STOML1: variants seen among roughly 807,000 people sequenced by gnomAD.
The protein encoded by STOML1 is stomatin-like protein 1.
A neutral mutation model predicts 35.7 loss-of-function variants in STOML1; 27 were observed. The observed-to-expected ratio is 0.76, with a 90% CI of 0.56 to 1.04. The LOEUF is 1.04. Ranked by LOEUF, STOML1 falls within the 50% of genes least tolerant of loss-of-function variation. STOML1 has a pLI of 0.00. For missense variants in STOML1, 451 were observed against 527.1 expected (o/e 0.86, Z 1.41); for synonymous variants, 219 against 227.9 (o/e 0.96, Z 0.35).
Position 73,980,697 on chromosome 15 carries a change from G to A in STOML1, c.*3240C>T, listed in dbSNP as rs2141656607. 6.6e-6 allele frequency: 1 copy of A among 152,288 alleles called. No homozygotes were observed. The highest frequency in any genetic ancestry group is 1.9e-4 in the East Asian group (1 of 5,188). The allele number at this position is 152,288 out of a possible 1,614,324, so 9.4% of individuals were successfully genotyped here. On this transcript the variant is annotated 3_prime_UTR_variant, in exon 7 of 7. Transcript: ENST00000541638. ...AAGGCATGGGAAATATGTGTGGAGG[G>A]AGAATTTTCATAATATGCTTTCCTA... is the stretch of plus-strand genomic sequence containing the variant.
At chr15:73,984,915 T>A (rs1222434484) in intron 5 of STOML1, 44 bp from the exon 6 acceptor site, 1 of 1,607,120 alleles carries the variant, frequency 6.2e-7, no homozygotes, top group South Asian at 1.1e-5. Context: ...AGAGAGGAGG[T>A]CATCGTGTTG....
chr15:73,990,304 T>A, intron 2 of STOML1, 47 bp downstream of exon 2: 1 of 1,556,830 alleles, frequency 6.4e-7, no homozygotes, highest in Middle Eastern at 1.7e-4. Flanking sequence ...ATGCCAAAGC[T>A]CTCAGTGTGG....
chr15:73,981,992 G>A lies in STOML1; in HGVS notation c.*1945C>T, dbSNP rs1291155009. The A allele has an allele frequency of 6.6e-6, 1 of 152,254 alleles. No individual in the cohort carries two copies. The highest frequency in any genetic ancestry group is 1.5e-5 in the Non-Finnish European group (1 of 68,074). The allele number at this position is 152,254 out of a possible 1,614,324, so 9.4% of individuals were successfully genotyped here. ...CCCATGCTCACAAAGAAGAGTTTGGGTTTCCCCTAAGTTGTGATCTCATTT... is the reference window on the plus strand; with the variant it reads ...CCCATGCTCACAAAGAAGAGTTTGGATTTCCCCTAAGTTGTGATCTCATTT... On this transcript the variant is annotated 3_prime_UTR_variant, in exon 7 of 7. Coordinates refer to ENST00000541638, the MANE Select transcript of STOML1 (RefSeq NM_004809.5).
At chr15:73,992,063 G>A (rs758874475) in intron 1 of STOML1, 28 bp downstream of exon 1, 2 of 1,546,066 alleles carry the variant, frequency 1.3e-6, no homozygotes, top group East Asian at 2.5e-5. Context: ...GGTCCCCCCC[G>A]GCTCCGCCGT....
intron 6 of STOML1, 145 bp downstream of exon 6, chr15:73,984,514 A>G: frequency 1.0e-6 from 1 of 953,074 alleles, no homozygotes; most frequent in Non-Finnish European, 1.6e-6. Flanking sequence ...TAATGCCTGG[A>G]AATGGTGTCT....
chr15:73,994,600 T>C (rs992753188), upstream of STOML1: 1 of 617,356 alleles, frequency 1.6e-6, no homozygotes, highest in Non-Finnish European at 3.0e-6. Flanking sequence ...TCCTCCCCGC[T>C]CTGGGCGTGT....
chr15:73,984,900 G>A (rs974999068), intron 5 of STOML1, 29 bp from the exon 6 acceptor site: 6 of 1,612,110 alleles, frequency 3.7e-6, no homozygotes, highest in Non-Finnish European at 4.2e-6. Context: ...GTTGGGGAAG[G>A]AGGCAGAGAG....
rs373042143 is a variant in STOML1 at position 73,992,268 on chromosome 15, C to G, written c.-45G>C. 2 of 1,564,676 alleles carry G rather than the reference C, an allele frequency of 1.3e-6. No homozygotes were observed. The highest frequency in any genetic ancestry group is 2.9e-5 in the African/African-American group (2 of 70,146). On this transcript the variant is annotated 5_prime_UTR_variant, in exon 1 of 7. Coordinates refer to ENST00000541638, the MANE Select transcript of STOML1 (RefSeq NM_004809.5). ...GCCCCGCGCCTCCGCGCGGCGCCCT[C>G]CCTGGCCAGTGGGCCCTACGCGGCC...
rs2141656068 is a variant in STOML1 at position 73,980,057 on chromosome 15, C to T, written c.*3880G>A. 6.7e-6 allele frequency: 1 copy of T among 150,188 alleles called. No individual in the cohort carries two copies. The highest frequency in any genetic ancestry group is 2.4e-5 in the African/African-American group (1 of 40,888). The allele number at this position is 150,188 out of a possible 1,614,324, so 9.3% of individuals were successfully genotyped here. A position where few individuals can be genotyped will look rare whatever the true frequency, so the allele number is the denominator to read the frequency against. On this transcript the variant is annotated 3_prime_UTR_variant, in exon 7 of 7. Coordinates refer to ENST00000541638, the MANE Select transcript of STOML1 (RefSeq NM_004809.5). ...TGTCTCAAAACAAACAAACAAAAAA[C>T]AAAAAAATAACTTGAACAATAAACA...
chr15:73,983,978 T>C lies in STOML1; in HGVS notation c.1156A>G (p.Met386Val), dbSNP rs777393936. Residue 386 changes from methionine to valine, a missense_variant, in exon 7 of 7, where the codon ATG (methionine) becomes GTG (valine). Met to Val is a conservative substitution (Grantham distance 21, BLOSUM62 1). Transcript: ENST00000541638. ...AGGACAGCCTCCAGCTTCATGGCCA[T>C]AGCCAGGTCGCCCTTCACCTTCAGC... Reference protein sequence around the residue: ...GRLKVKGDLAMAMKLEAVLRA... With the variant: ...GRLKVKGDLAVAMKLEAVLRA... The C allele has an allele frequency of 3.7e-6, 6 of 1,613,968 alleles. No homozygotes were observed. Among genetic ancestry groups the C allele is most frequent in the Admixed American group, 3.3e-5 (2 of 60,032 alleles).
chr15:73,985,475 C>T lies in STOML1; in HGVS notation c.633G>A (p.Glu211=). The change falls in exon 5 of 7, where the codon GAG becomes GAA. Residue 211 remains glutamate (E), a synonymous_variant. Transcript: ENST00000541638. ...CCACTGCCAGCTCCACGCGGTCTACCTCCAGCCCCCAGGCCCTGGTCACAT... is the reference window on the plus strand; with the variant it reads ...CCACTGCCAGCTCCACGCGGTCTACTTCCAGCCCCCAGGCCCTGGTCACAT... ...INDVTRAWGL[E]VDRVELAVEA... is the part of the protein sequence containing the mutation. 1.3e-6 allele frequency: 2 copies of T among 1,541,694 alleles called. No homozygotes were observed. Among genetic ancestry groups the T allele is most frequent in the Non-Finnish European group, 1.7e-6 (2 of 1,146,386 alleles).
intron 1 of STOML1, among the ~76,000 whole-genome samples, chr15:73,991,405 A>G (rs1404387914): frequency 6.6e-6 from 1 of 152,254 alleles, no homozygotes; most frequent in Non-Finnish European, 1.5e-5. Flanking sequence ...GCTAAGCCCC[A>G]GAGCACTGAG....
At chr15:73,989,981 G>C in intron 2 of STOML1, 1 of 207,214 alleles carries the variant, frequency 4.8e-6, no homozygotes, top group Non-Finnish European at 9.9e-6. Flanking sequence ...TGGAAAATGA[G>C]GCCTGAATTC....
chr15:73,984,527 G>A, intron 6 of STOML1, 132 bp downstream of exon 6: 1 of 1,047,328 alleles, frequency 9.5e-7, no homozygotes. Flanking sequence ...TGGTGTCTGA[G>A]CCCCTGCCTG....
intron 5 of STOML1, 104 bp downstream of exon 5, chr15:73,985,214 T>C (rs2069051923): frequency 3.0e-6 from 4 of 1,326,542 alleles, no homozygotes; most frequent in Non-Finnish European, 4.0e-6. Flanking sequence ...GGGCTGAACA[T>C]CTGTGCAGGG....
In STOML1 at chr15:73,984,253, T is replaced by C. The variant is rs987273296; in HGVS notation, c.1004-123A>G. The C allele has an allele frequency of 5.7e-6, 6 of 1,061,392 alleles. No homozygotes were observed. The African/African-American group carries it at 8.0e-5, about 14-fold the overall frequency. The allele number at this position is 1,061,392 out of a possible 1,614,324, so 65.7% of individuals were successfully genotyped here. On this transcript the variant is annotated intron_variant, in intron 6 of 6. Coordinates refer to ENST00000541638, the MANE Select transcript of STOML1 (RefSeq NM_004809.5). ...GAGTACTGGTTAAGAGTTTGGGTTC[T>C]AATACCCTGGGTTTGAGTCTTATTG...
rs148196033 is a variant in STOML1 at position 73,984,085 on chromosome 15, A to G, written c.1049T>C (p.Val350Ala). The G allele has an allele frequency of 3.5e-5, 57 of 1,613,840 alleles. 1 individual carries two copies. In the African/African-American group the frequency reaches 4.8e-4, roughly 14 times the overall value. Residue 350 changes from valine to alanine, a missense_variant, in exon 7 of 7, where the codon GTG becomes GCG. Transcript: ENST00000541638. The stretch of plus-strand genomic sequence containing the variant: ...GTCTGCCTCGGCCATCTCCACCACC[A>G]CATCAGGGATGCCATCAGGCACCCC... The part of the protein sequence containing the change: ...GHGVPDGIPD[V>A]VVEMAEADLR...
intron 2 of STOML1, chr15:73,990,005 C>A: frequency 4.4e-6 from 1 of 227,096 alleles, no homozygotes; most frequent in South Asian, 6.1e-5. Context: ...TTATGCACTA[C>A]CAGCTGGGCT....
At position 73,980,696 on chromosome 15, in the gene STOML1, G is replaced by C. The variant is rs1448112534; in HGVS notation, c.*3241C>G. On this transcript the variant is annotated 3_prime_UTR_variant, in exon 7 of 7. Coordinates refer to ENST00000541638, the MANE Select transcript of STOML1 (RefSeq NM_004809.5). Reference sequence around the variant, plus strand: ...GAAGGCATGGGAAATATGTGTGGAGGGAGAATTTTCATAATATGCTTTCCT... The same window carrying C: ...GAAGGCATGGGAAATATGTGTGGAGCGAGAATTTTCATAATATGCTTTCCT... 6.6e-6 allele frequency: 1 copy of C among 152,108 alleles called. No individual in the cohort carries two copies. The highest frequency in any genetic ancestry group is 2.4e-5 in the African/African-American group (1 of 41,414). 9.4% of individuals were successfully genotyped at this position (152,108 alleles called of 1,614,324 possible).
Sources: gnomAD v4.1 joint callset for allele counts (sites outside exome capture counted in the v4.1 genomes callset) on GRCh38, gnomAD v4.1.1 for gene constraint, MANE v1.5 for transcripts, NCBI Gene and HGNC (gene_info 2026-07-23, HGNC 2026-07-21) for gene names.